Variants in CD8B observed in about 807,000 individuals in gnomAD.
CD8B encodes the protein CD8 subunit beta.
Under a neutral mutation model 24.2 loss-of-function variants are expected in CD8B, and 6 were observed. The observed-to-expected ratio is 0.25, with a 90% CI of 0.14 to 0.49. The LOEUF (loss-of-function observed/expected upper bound fraction) is 0.49. Ranked by LOEUF, CD8B falls within the 20% of genes least tolerant of loss-of-function variation. CD8B has a pLI of 0.98. For synonymous variants in CD8B, 84 were observed against 108.3 expected, an observed-to-expected ratio of 0.78 and a Z score of 1.39; for missense variants, 196 against 271.3, an observed-to-expected ratio of 0.72 and a Z score of 1.95.
At chr2:86,815,821 A>C (rs2104482412) in intron 5 of CD8B, 1 of 727,552 alleles carries the variant, frequency 1.4e-6, no homozygotes, top group East Asian at 2.5e-5. Flanking sequence ...CAGTCGAGTC[A>C]GATGTTGTGT....
At chr2:86,835,112 A>G (rs541709881), downstream of CD8B, among the ~76,000 whole-genome samples, 6 of 152,222 alleles carry the variant, frequency 3.9e-5, no homozygotes, top group South Asian at 1.2e-3. Flanking sequence ...GGGCTGGCGG[A>G]CTTTCTGATG....
chr2:86,844,685 C>T (rs781518011), intron 5 of CD8B: 13 of 1,492,338 alleles, frequency 8.7e-6, no homozygotes, highest in Middle Eastern at 3.4e-4. Flanking sequence ...CTCTGTTGCC[C>T]AGGCTGGAGT....
At chr2:86,858,565 G>A in intron 1 of CD8B, 149 bp from the exon 2 acceptor site, 1 of 1,426,134 alleles carries the variant, frequency 7.0e-7, no homozygotes, top group East Asian at 2.5e-5. Flanking sequence ...CGCAGCTGTT[G>A]GCTCCTGGAC....
intron 5 of CD8B, among the ~76,000 whole-genome samples, chr2:86,825,605 A>G (rs1485059194): frequency 6.6e-6 from 1 of 152,220 alleles, no homozygotes; most frequent in Non-Finnish European, 1.5e-5. Context: ...AGACTGAGCC[A>G]GGTGAATGTC....
At chr2:86,821,943 G>C (rs1217601931) in intron 5 of CD8B, among the ~76,000 whole-genome samples, 1 of 152,156 alleles carries the variant, frequency 6.6e-6, no homozygotes, top group African/African-American at 2.4e-5. Context: ...GGCTGGCGCA[G>C]GCTTGGGCAC....
At chr2:86,848,725 T>TTTATTTATTTATTTATTTATTTAC (rs1675819439) in intron 3 of CD8B, among the ~76,000 whole-genome samples, 1 of 97,320 alleles carries the variant, frequency 1.0e-5, no homozygotes, top group African/African-American at 4.1e-5. Context: ...TATTTATTTA[T>TTTATTTATTTATTTATTTATTTAC]TTATTTTTGA....
At chr2:86,850,274 C>T (rs1216194127) in intron 3 of CD8B, among the ~76,000 whole-genome samples, 1 of 152,148 alleles carries the variant, frequency 6.6e-6, no homozygotes, top group African/African-American at 2.4e-5. Flanking sequence ...TTACCGGGGC[C>T]TCAGGGTCTC....
Position 86,858,102 on chromosome 2 carries a change from C to G in CD8B, c.358G>C (p.Gly120Arg). The change falls in exon 2 of 6, where the codon GGG (glycine) becomes CGG (arginine). Residue 120 changes from glycine to arginine, a missense_variant. Transcript: ENST00000390655. ...DSGIYFCMIV[G>R]SPELTFGKGT... is the part of the protein sequence containing the mutation. ...TTCCCGAAGGTCAGCTCGGGGCTCC[C>G]GACGATCATGCAGAAGTAGATGCCA... The G allele has an allele frequency of 1.9e-6, 3 of 1,613,976 alleles. No homozygotes were observed. Among genetic ancestry groups the G allele is most frequent in the Middle Eastern group, 1.7e-4 (1 of 6,056 alleles).
In CD8B at chr2:86,815,647, G is replaced by A. The variant is rs868315171; in HGVS notation, c.692C>T (p.Thr231Ile). 17 of 1,613,324 alleles carry A rather than the reference G, an allele frequency of 1.1e-5. No individual in the cohort carries two copies. In the African/African-American group the frequency reaches 2.0e-4, roughly 19 times the overall value. The change falls in exon 6 of 6, where the codon ACC becomes ATC. Residue 231 changes from threonine (T) to isoleucine (I), a missense_variant. Transcript: ENST00000331469. Reference sequence around the variant, plus strand: ...CCATGGGTTAAGCAGCTTCTGTGAGGTTGTAGTATTGCTGTAGTATCCATG... The same window carrying A: ...CCATGGGTTAAGCAGCTTCTGTGAGATTGTAGTATTGCTGTAGTATCCATG...
At chr2:86,848,571 A>G (rs1675802479) in intron 3 of CD8B, among the ~76,000 whole-genome samples, 1 of 152,052 alleles carries the variant, frequency 6.6e-6, no homozygotes, top group South Asian at 2.1e-4. Flanking sequence ...TTTGGGCTTG[A>G]GGTTCGGAAA....
At chr2:86,819,187 C>T (rs909326527) in intron 5 of CD8B, among the ~76,000 whole-genome samples, 4 of 152,144 alleles carry the variant, frequency 2.6e-5, no homozygotes, top group African/African-American at 7.2e-5. Flanking sequence ...CAAAATGCAA[C>T]GTGAAGAAGC....
In CD8B at chr2:86,844,989, T is replaced by C. The variant is rs1420335566; in HGVS notation, c.584-31A>G. On this transcript the variant is annotated intron_variant, in intron 4 of 5. Transcript: ENST00000390655. ...AGAGGAAAGCAAGGGCGCCAGTCAG[T>C]GTGGGCTGTGGGTCACTGCGCTGAG... 3 of 1,555,872 alleles carry C rather than the reference T, an allele frequency of 1.9e-6. No homozygotes were observed. The African/African-American group carries it at 4.1e-5, about 21-fold the overall frequency.
intron 1 of CD8B, among the ~76,000 whole-genome samples, chr2:86,859,495 GA>G (rs934138445): frequency 1.3e-5 from 2 of 152,138 alleles, no homozygotes; most frequent in African/African-American, 4.8e-5. Context: ...CTGAGGGTTG[GA>G]AATAAATGAA....
Position 86,822,508 on chromosome 2 carries a change from G to A in CD8B, c.621-6790C>T, listed in dbSNP as rs1454419299. ...TAGGCATTAACATGATGATGTTTTA[G>A]AATTATGAAACCTATGGAAAGGTTG... On this transcript the variant is annotated intron_variant, in intron 5 of 5. Transcript: ENST00000331469. 7.0e-6 allele frequency: 4 copies of A among 571,000 alleles called. No individual in the cohort carries two copies. The East Asian group carries it at 8.6e-5, about 12-fold the overall frequency. 35.4% of individuals were successfully genotyped at this position (571,000 alleles called of 1,614,324 possible).
chr2:86,845,932 G>T (rs1367087244), intron 4 of CD8B, among the ~76,000 whole-genome samples: 5 of 152,194 alleles, frequency 3.3e-5, no homozygotes, highest in Admixed American at 3.3e-4. Flanking sequence ...AAAGTTAAGA[G>T]CCACTGATCT....
chr2:86,826,029 T>A (rs4488661), intron 5 of CD8B, among the ~76,000 whole-genome samples: 37,758 of 151,934 alleles, frequency 0.25, 5,359 homozygotes, highest in Non-Finnish European at 0.33. Flanking sequence ...CTTGAAACAT[T>A]TGCAGACCAA....
rs15800 is a variant in CD8B at position 86,841,659 on chromosome 2, T to G, written c.*648A>C. On this transcript the variant is annotated 3_prime_UTR_variant, in exon 6 of 6. Transcript: ENST00000390655. ...AACAAACAGAAAATGAAAGAAGCAT[T>G]AAGCCATGGGAGAGTAGAAATGGGA... The G allele has an allele frequency of 0.47, 462,342 of 979,872 alleles. 110,844 individuals carry two copies. The highest frequency in any genetic ancestry group is 0.68 in the African/African-American group (38,833 of 56,954). 60.7% of individuals were successfully genotyped at this position (979,872 alleles called of 1,614,324 possible).
intron 1 of CD8B, among the ~76,000 whole-genome samples, chr2:86,859,582 C>T (rs1308267712): frequency 6.6e-6 from 1 of 152,212 alleles, no homozygotes; most frequent in African/African-American, 2.4e-5. Context: ...TCTCATATCA[C>T]AGGGTTGTTA....
At chr2:86,829,137 TTGCCCAGGCTGGAG>T in intron 5 of CD8B, among the ~76,000 whole-genome samples, 1 of 148,588 alleles carries the variant, frequency 6.7e-6, no homozygotes, top group Non-Finnish European at 1.5e-5. Context: ...TCTTGCTCTG[TTGCCCAGGCTGGAG>T]TGCAGTGGTG....
Sources: allele counts gnomAD v4.1 joint callset (sites outside exome capture counted in the v4.1 genomes callset), GRCh38; gene constraint gnomAD v4.1.1; transcripts MANE v1.5; gene names NCBI Gene and HGNC (gene_info 2026-07-23, HGNC 2026-07-21).